The following MAGI2 variants were observed in gnomAD, a reference collection of about 807,000 sequenced individuals.
MAGI2 encodes the protein membrane associated guanylate kinase, WW and PDZ domain containing 2.
MAGI2 carries 35 observed loss-of-function variants against 133.3 expected under a neutral mutation model. The ratio of observed to expected loss-of-function variants is 0.26; its 90% CI spans 0.20 to 0.35. The LOEUF (loss-of-function observed/expected upper bound fraction) is 0.35. MAGI2 is among the 10% of genes least tolerant of loss of function. MAGI2 has a pLI of 1.00. For synonymous variants in MAGI2, 729 were observed against 710.6 expected, an observed-to-expected ratio of 1.03 and a Z score of -0.41; for missense variants, 1,636 against 1,863.4, an observed-to-expected ratio of 0.88 and a Z score of 2.25.
At chr7:79,105,246 A>G (rs1010322895) in intron 1 of MAGI2, among the ~76,000 whole-genome samples, 1 of 152,246 alleles carries the variant, frequency 6.6e-6, no homozygotes, top group Non-Finnish European at 1.5e-5. Context: ...AATCCCCAGC[A>G]GAGTGCAGAA....
At chr7:78,103,648 A>G (rs1818399635) in intron 20 of MAGI2, among the ~76,000 whole-genome samples, 1 of 152,248 alleles carries the variant, frequency 6.6e-6, no homozygotes, top group South Asian at 2.1e-4. Context: ...TCTTTCCCGT[A>G]TACTACTCTG....
At chr7:78,181,781 G>C (rs1827209485) in intron 13 of MAGI2, among the ~76,000 whole-genome samples, 1 of 152,154 alleles carries the variant, frequency 6.6e-6, no homozygotes, top group Admixed American at 6.5e-5. Context: ...AGCACATCCA[G>C]GTATCAGGAC....
chr7:79,255,525 T>A (rs1444377562), intron 1 of MAGI2, among the ~76,000 whole-genome samples: 2 of 152,126 alleles, frequency 1.3e-5, no homozygotes, highest in Non-Finnish European at 2.9e-5. Flanking sequence ...AATCACACAA[T>A]GATTTAGAGA....
chr7:78,457,933 A>G (rs924412032), intron 6 of MAGI2, among the ~76,000 whole-genome samples: 16 of 152,220 alleles, frequency 1.1e-4, no homozygotes, highest in African/African-American at 3.9e-4. Flanking sequence ...CTTTAATAAT[A>G]TGCACAAACT....
chr7:78,588,077 A>G (rs1448996916), intron 3 of MAGI2, among the ~76,000 whole-genome samples: 2 of 152,226 alleles, frequency 1.3e-5, no homozygotes, highest in Non-Finnish European at 2.9e-5. Flanking sequence ...AAAGTAGGGA[A>G]TACAATGCAT....
At chr7:78,697,994 A>G (rs1817690140) in intron 2 of MAGI2, among the ~76,000 whole-genome samples, 1 of 152,212 alleles carries the variant, frequency 6.6e-6, no homozygotes, top group Non-Finnish European at 1.5e-5. Context: ...TAGGAGGACT[A>G]TTAAGAATTC....
chr7:78,640,994 A>G (rs182030997), intron 2 of MAGI2, among the ~76,000 whole-genome samples: 1 of 152,224 alleles, frequency 6.6e-6, no homozygotes, highest in Admixed American at 6.5e-5. Context: ...CCATCCTGTT[A>G]TTGTGATGAT....
chr7:78,404,432 C>T (rs900132669), intron 6 of MAGI2, among the ~76,000 whole-genome samples: 7 of 152,112 alleles, frequency 4.6e-5, no homozygotes, highest in African/African-American at 7.2e-5. Flanking sequence ...TACAAGGCAA[C>T]AGTAACCAAA....
intron 5 of MAGI2, among the ~76,000 whole-genome samples, chr7:78,497,722 TTCTA>T (rs71517019): frequency 0.02 from 1,932 of 97,224 alleles, 60 homozygotes; most frequent in East Asian, 0.11. Context: ...GAAATAACTA[TTCTA>T]TCTATCTATC....
At chr7:79,028,265 A>ATATATG (rs1434615900) in intron 1 of MAGI2, among the ~76,000 whole-genome samples, 450 of 22,958 alleles carry the variant, frequency 0.02, 4 homozygotes, top group African/African-American at 0.055. Context: ...ATATATATAT[A>ATATATG]TATGTATGTA....
chr7:78,387,348 A>G (rs1355609106), intron 6 of MAGI2, among the ~76,000 whole-genome samples: 1 of 152,166 alleles, frequency 6.6e-6, no homozygotes, highest in Non-Finnish European at 1.5e-5. Flanking sequence ...AGAGACCAGG[A>G]AAGATAGCAA....
intron 6 of MAGI2, among the ~76,000 whole-genome samples, chr7:78,401,443 TCTGTCTCCTCTC>T (rs1796853779): frequency 2.5e-5 from 1 of 40,524 alleles, no homozygotes; most frequent in Non-Finnish European, 4.3e-5. Context: ...CTTCTCTCCC[TCTGTCTCCTCTC>T]TCTGTCTCTC....
chr7:78,069,537 GAGGAGA>G (rs1274481436), intron 21 of MAGI2, among the ~76,000 whole-genome samples: 4 of 106,192 alleles, frequency 3.8e-5, no homozygotes, highest in Non-Finnish European at 7.6e-5. Flanking sequence ...AAGAAAGAGA[GAGGAGA>G]GAGAGAGAGA....
intron 20 of MAGI2, among the ~76,000 whole-genome samples, chr7:78,109,050 A>C (rs918587349): frequency 2.0e-5 from 3 of 151,792 alleles, no homozygotes; most frequent in Non-Finnish European, 4.4e-5. Context: ...CATGCCTGTA[A>C]TCCCAGCACT....
chr7:78,230,056 T>C (rs137865996), intron 10 of MAGI2, among the ~76,000 whole-genome samples: 192 of 152,332 alleles, frequency 1.3e-3, no homozygotes, highest in African/African-American at 4.2e-3. Context: ...CTTTTTTTTG[T>C]CCTTATTAAT....
At chr7:79,431,345 GAA>G (rs1388251425) in intron 1 of MAGI2, among the ~76,000 whole-genome samples, 1 of 152,114 alleles carries the variant, frequency 6.6e-6, no homozygotes, top group African/African-American at 2.4e-5. Context: ...GGGAAAGAAA[GAA>G]GAGAAAAAAT....
chr7:79,367,868 T>TAA, intron 1 of MAGI2, among the ~76,000 whole-genome samples: 1 of 109,722 alleles, frequency 9.1e-6, no homozygotes, highest in East Asian at 2.8e-4. Context: ...CATATATATA[T>TAA]ATATATATGT....
intron 20 of MAGI2, among the ~76,000 whole-genome samples, chr7:78,102,394 A>G (rs1818284430): frequency 6.6e-6 from 1 of 152,230 alleles, no homozygotes; most frequent in African/African-American, 2.4e-5. Context: ...GATGATGGGT[A>G]TGTGAATTAG....
intron 10 of MAGI2, among the ~76,000 whole-genome samples, chr7:78,243,564 A>G (rs1349431060): frequency 6.6e-6 from 1 of 152,124 alleles, no homozygotes; most frequent in Non-Finnish European, 1.5e-5. Flanking sequence ...TCTGCTTTTC[A>G]CTCAAAGCTA....
Sources: allele counts gnomAD v4.1 joint callset (sites outside exome capture counted in the v4.1 genomes callset), GRCh38; gene constraint gnomAD v4.1.1; transcripts MANE v1.5; gene names NCBI Gene and HGNC (gene_info 2026-07-23, HGNC 2026-07-21).